The following TRPV5 variants were observed in gnomAD, a reference collection of about 807,000 sequenced individuals.
The protein encoded by TRPV5 is calcium transport protein 2.
A neutral mutation model predicts 74.1 loss-of-function variants in TRPV5; 66 were observed. That is an observed-to-expected ratio of 0.89 (90% CI 0.73 to 1.09). The LOEUF (loss-of-function observed/expected upper bound fraction) is 1.09. Ranked by LOEUF, TRPV5 falls within the 50% of genes least tolerant of loss-of-function variation. The pLI, the probability that TRPV5 is intolerant of heterozygous loss-of-function variation, is 0.00. For missense variants in TRPV5, 936 were observed against 930.4 expected, an observed-to-expected ratio of 1.01 and a Z score of -0.08; for synonymous variants, 399 against 360.7, an observed-to-expected ratio of 1.11 and a Z score of -1.20.
intron 7 of TRPV5, among the ~76,000 whole-genome samples, chr7:142,927,474 T>C (rs913282241): frequency 3.3e-5 from 5 of 152,208 alleles, no homozygotes; most frequent in Non-Finnish European, 5.9e-5. Context: ...ATAAAAAGGT[T>C]TAATTGGCTC....
Position 142,928,211 on chromosome 7 carries a change from C to T in TRPV5, c.786G>A (p.Lys262=), listed in dbSNP as rs757965737. ...CATACGTCCACTGGATGTGCCTCCG[C>T]TTCTGCATCAGGTGCTGGAACATCT... ...NTVMFQHLMQ[K]RRHIQWTYGP... Residue 262 remains lysine (K), a synonymous_variant, in exon 7 of 15, where the codon AAG becomes AAA. Transcript: ENST00000265310. The T allele has an allele frequency of 1.4e-5, 22 of 1,614,182 alleles. No homozygotes were observed. The highest frequency in any genetic ancestry group is 1.9e-5 in the Non-Finnish European group (22 of 1,180,038).
At chr7:142,927,587 G>A (rs1374142650) in intron 7 of TRPV5, among the ~76,000 whole-genome samples, 1 of 139,266 alleles carries the variant, frequency 7.2e-6, no homozygotes, top group African/African-American at 2.5e-5. Context: ...GCCGGAGCAG[G>A]AGGAAGAGAG....
chr7:142,915,037 A>G lies in TRPV5; in HGVS notation c.1296T>C (p.Tyr432=). 6.2e-7 allele frequency: 1 copy of G among 1,613,868 alleles called. No individual in the cohort carries two copies. Among genetic ancestry groups the G allele is most frequent in the South Asian group, 1.1e-5 (1 of 91,038 alleles). Reference sequence around the variant, plus strand: ...CCATGGTCACCAGCACCAGGGAGGCATAGGTGATGCTGGGGGAGCAGAAAG... The same window carrying G: ...CCATGGTCACCAGCACCAGGGAGGCGTAGGTGATGCTGGGGGAGCAGAAAG... ...GGPFHVIIIT[Y]ASLVLVTMVM... Residue 432 remains tyrosine, a synonymous_variant, in exon 11 of 15, where the codon TAT becomes TAC. Coordinates refer to ENST00000265310, the MANE Select transcript of TRPV5 (RefSeq NM_019841.7).
intron 12 of TRPV5, 58 bp downstream of exon 12, chr7:142,914,582 G>C (rs1795758724): frequency 2.1e-6 from 3 of 1,413,786 alleles, no homozygotes; most frequent in Non-Finnish European, 3.0e-6. Context: ...AAGAATGAGA[G>C]TGAACTTTCT....
Position 142,912,741 on chromosome 7 carries a change from A to G in TRPV5, c.1529T>C (p.Ile510Thr). 1 of 1,613,672 alleles carries G rather than the reference A, an allele frequency of 6.2e-7. No individual in the cohort carries two copies. Among genetic ancestry groups the G allele is most frequent in the South Asian group, 1.1e-5 (1 of 91,076 alleles). ...GGTTGGGTCCTCTGTCTGGAAAATG[A>G]TATAGAACGCTGCTCCGCCCAGGAA... ...VILGFASAFY[I>T]IFQTEDPTSL... The change falls in exon 13 of 15, where the codon ATC (isoleucine) becomes ACC (threonine). Residue 510 changes from isoleucine (I) to threonine (T), a missense_variant. Ile to Thr is a moderately conservative substitution (Grantham distance 89). Transcript: ENST00000265310.
At chr7:142,911,062 C>A (rs948571121) in intron 13 of TRPV5, among the ~76,000 whole-genome samples, 2 of 152,146 alleles carry the variant, frequency 1.3e-5, no homozygotes, top group African/African-American at 4.8e-5. Context: ...TTAAAGCCTG[C>A]AGTTTTGCCT....
chr7:142,911,783 G>T (rs1208929759), intron 13 of TRPV5, among the ~76,000 whole-genome samples: 1 of 152,182 alleles, frequency 6.6e-6, no homozygotes, highest in Non-Finnish European at 1.5e-5. Flanking sequence ...GAAAAATGAT[G>T]GCTATATTCA....
At chr7:142,919,733 G>T (rs1409756208) in intron 8 of TRPV5, among the ~76,000 whole-genome samples, 1 of 152,190 alleles carries the variant, frequency 6.6e-6, no homozygotes, top group Non-Finnish European at 1.5e-5. Flanking sequence ...TTCCCAGCCA[G>T]CTGAGTTCAT....
At chr7:142,911,142 C>T (rs1032555014) in intron 13 of TRPV5, among the ~76,000 whole-genome samples, 1 of 152,194 alleles carries the variant, frequency 6.6e-6, no homozygotes, top group Non-Finnish European at 1.5e-5. Context: ...TGCACATCCT[C>T]ATTCTTTTTG....
At position 142,930,463 on chromosome 7, in the gene TRPV5, G is replaced by T; in HGVS notation, c.129-17C>A. On this transcript the variant is annotated splice_polypyrimidine_tract_variant and intron_variant, in intron 1 of 14. Coordinates refer to ENST00000265310, the MANE Select transcript of TRPV5 (RefSeq NM_019841.7). ...TCTAGAATCCTGGGGAAAGGTGAAC[G>T]TGAGTTTGGAAGAGACAGTCATAGC... is the stretch of plus-strand genomic sequence containing the variant. 2 of 1,597,156 alleles carry T rather than the reference G, an allele frequency of 1.3e-6. No homozygotes were observed. The highest frequency in any genetic ancestry group is 1.1e-5 in the South Asian group (1 of 90,736).
Position 142,933,415 on chromosome 7 carries a change from G to A in TRPV5, c.45C>T (p.Leu15=), listed in dbSNP as rs775488532. Residue 15 remains leucine, a synonymous_variant, in exon 1 of 15, where the codon CTC becomes CTT. Coordinates refer to ENST00000265310, the MANE Select transcript of TRPV5 (RefSeq NM_019841.7). ...CCAGAAAGGAGGGCAGAAGTTTCTG[G>A]AGTTGGCTCCCGGGCCCTTCTGCCT... ...LPKAEGPGSQ[L]QKLLPSFLVR... is the part of the protein sequence containing the mutation. 6.2e-7 allele frequency: 1 copy of A among 1,614,174 alleles called. No homozygotes were observed. The highest frequency in any genetic ancestry group is 1.1e-5 in the South Asian group (1 of 91,076).
chr7:142,913,579 G>C (rs762324824), intron 12 of TRPV5, among the ~76,000 whole-genome samples: 1 of 152,190 alleles, frequency 6.6e-6, no homozygotes, highest in East Asian at 1.9e-4. Context: ...TGGGAGGAAA[G>C]GGTACATAAG....
intron 8 of TRPV5, among the ~76,000 whole-genome samples, chr7:142,923,515 C>T (rs1053863415): frequency 1.3e-5 from 2 of 152,138 alleles, no homozygotes; most frequent in Non-Finnish European, 2.9e-5. Flanking sequence ...TATCTAACCC[C>T]TTCCAGCAGC....
intron 8 of TRPV5, chr7:142,925,235 C>A: frequency 5.3e-6 from 3 of 568,220 alleles, no homozygotes; most frequent in Non-Finnish European, 6.3e-6. Flanking sequence ...ACTAAAAAAC[C>A]CTGATACTTT....
At chr7:142,925,102 C>T (rs1426754604) in intron 8 of TRPV5, 1 of 309,992 alleles carries the variant, frequency 3.2e-6, no homozygotes, top group Non-Finnish European at 6.0e-6. Context: ...AGACAGCACA[C>T]AGAAGAGGGT....
chr7:142,925,297 A>G (rs890770546), intron 8 of TRPV5: 1 of 593,122 alleles, frequency 1.7e-6, no homozygotes, highest in Non-Finnish European at 3.0e-6. Context: ...CATGCCAAGC[A>G]CTCTTTCAAA....
chr7:142,921,415 G>T (rs1795884078), intron 8 of TRPV5, among the ~76,000 whole-genome samples: 1 of 152,076 alleles, frequency 6.6e-6, no homozygotes, highest in Non-Finnish European at 1.5e-5. Flanking sequence ...CCGAATAGCT[G>T]GGATTACAGG....
chr7:142,925,192 CT>C (rs4252438), intron 8 of TRPV5: 40,638 of 511,288 alleles, frequency 0.079, 4,033 homozygotes, highest in African/African-American at 0.36. Context: ...AATTTTCCTC[CT>C]TTTGAGCAAT....
Position 142,924,375 on chromosome 7 carries a change from C to CATAT in TRPV5, c.1122+1150_1122+1153dup, listed in dbSNP as rs761091491. 1.0e-3 allele frequency among the ~76,000 whole-genome samples: 27 copies of CATAT among 25,786 alleles called. 3 individuals carry two copies. The highest frequency in any genetic ancestry group is 3.1e-3 in the African/African-American group (17 of 5,506). The allele number at this position is 25,786 out of a possible 152,430, so 16.9% of individuals were successfully genotyped here. On this transcript the variant is annotated intron_variant, in intron 8 of 14. Transcript: ENST00000265310. ...ATAGACATATACATGTATATATATA[C>CATAT]ATATATATATATATATACATATACA...
Sources: allele counts gnomAD v4.1 joint callset (sites outside exome capture counted in the v4.1 genomes callset), GRCh38; gene constraint gnomAD v4.1.1; transcripts MANE v1.5; gene names NCBI Gene and HGNC (gene_info 2026-07-23, HGNC 2026-07-21).